The following RAB3C variants were observed in gnomAD, a reference collection of about 807,000 sequenced individuals.
RAB3C encodes ras-related protein Rab-3C.
RAB3C carries 17 observed loss-of-function variants against 26.4 expected under a neutral mutation model. The observed-to-expected ratio is 0.64, with a 90% CI of 0.44 to 0.97. RAB3C has a LOEUF of 0.97. Among genes scored for constraint, RAB3C ranks in the 50% least tolerant of loss-of-function variants. RAB3C has a pLI of 0.00. For synonymous variants in RAB3C, 91 were observed against 95.9 expected (o/e 0.95, Z 0.30); for missense variants, 242 against 281.9 (o/e 0.86, Z 1.01).
At chr5:58,804,046 C>T (rs1448825894) in intron 3 of RAB3C, among the ~76,000 whole-genome samples, 6 of 137,686 alleles carry the variant, frequency 4.4e-5, no homozygotes, top group African/African-American at 1.4e-4. Context: ...GGTGACAGTG[C>T]GAGACTCTAT....
At chr5:58,821,642 G>A (rs1015535505) in intron 3 of RAB3C, among the ~76,000 whole-genome samples, 3 of 152,162 alleles carry the variant, frequency 2.0e-5, no homozygotes, top group East Asian at 1.9e-4. Context: ...TAGAAAGGTC[G>A]TATTGTTCTG....
intron 2 of RAB3C, among the ~76,000 whole-genome samples, chr5:58,647,438 T>C (rs1336576441): frequency 6.6e-6 from 1 of 151,956 alleles, no homozygotes; most frequent in African/African-American, 2.4e-5. Context: ...CTCATTATCA[T>C]GAGAACAGCA....
At chr5:58,756,125 T>C (rs1397782724) in intron 3 of RAB3C, among the ~76,000 whole-genome samples, 1 of 151,504 alleles carries the variant, frequency 6.6e-6, no homozygotes, top group Non-Finnish European at 1.5e-5. Flanking sequence ...CACAATTGGC[T>C]TTTTGGTTTA....
chr5:58,798,637 C>G (rs1742729505), intron 3 of RAB3C, among the ~76,000 whole-genome samples: 1 of 152,200 alleles, frequency 6.6e-6, no homozygotes, highest in African/African-American at 2.4e-5. Context: ...AAATTACCTT[C>G]AGGCTATGTG....
rs150842543 is a variant in RAB3C, at chr5:58,662,871, A to G, written c.252+45001A>G. 3.0e-3 allele frequency among the ~76,000 whole-genome samples: 458 copies of G among 150,342 alleles called. 50 individuals carry two copies. The highest frequency in any genetic ancestry group is 0.011 in the African/African-American group (435 of 39,716). ...CTCTATTTCTTAATTGTGGTAGTTC[A>G]ATTATGTTTGTCAGAACTTATTGAA... is the stretch of plus-strand genomic sequence containing the variant. On this transcript the variant is annotated intron_variant, in intron 2 of 4. Transcript: ENST00000282878.
At chr5:58,679,623 G>A (rs765209314) in intron 2 of RAB3C, among the ~76,000 whole-genome samples, 3 of 152,088 alleles carry the variant, frequency 2.0e-5, no homozygotes, top group Middle Eastern at 3.2e-3. Context: ...CAGTTTTGTT[G>A]TTGTTGTTGT....
chr5:58,732,360 T>G (rs1244763466), intron 3 of RAB3C, among the ~76,000 whole-genome samples: 1 of 152,064 alleles, frequency 6.6e-6, no homozygotes, highest in Non-Finnish European at 1.5e-5. Context: ...AGAAAAAACA[T>G]ATCAATCTTA....
chr5:58,778,710 G>T (rs566118464), intron 3 of RAB3C, among the ~76,000 whole-genome samples: 31 of 152,278 alleles, frequency 2.0e-4, no homozygotes, highest in African/African-American at 7.5e-4. Flanking sequence ...TGTGAAGGTA[G>T]TGAATTAAAA....
At chr5:58,777,384 T>C (rs1011235770) in intron 3 of RAB3C, among the ~76,000 whole-genome samples, 22 of 152,196 alleles carry the variant, frequency 1.4e-4, no homozygotes, top group African/African-American at 4.8e-4. Context: ...CTAGAACGCC[T>C]AGTCCTGCCT....
chr5:58,697,112 G>A (rs955357820), intron 2 of RAB3C, among the ~76,000 whole-genome samples: 2 of 152,110 alleles, frequency 1.3e-5, no homozygotes, highest in Non-Finnish European at 2.9e-5. Context: ...CAGAGGTTCT[G>A]GTACGTTGTG....
intron 3 of RAB3C, chr5:58,794,589 A>T (rs933252194): frequency 9.9e-5 from 15 of 152,162 alleles, no homozygotes; most frequent in African/African-American, 3.4e-4. Flanking sequence ...AATATTCACC[A>T]ATCTATTCAG....
chr5:58,728,356 C>T (rs910093004), intron 3 of RAB3C, among the ~76,000 whole-genome samples: 1 of 152,016 alleles, frequency 6.6e-6, no homozygotes, highest in African/African-American at 2.4e-5. Flanking sequence ...CAAATAGAAT[C>T]TCATTGACCA....
intron 3 of RAB3C, among the ~76,000 whole-genome samples, chr5:58,810,047 C>A (rs1414941858): frequency 6.6e-6 from 1 of 152,202 alleles, no homozygotes; most frequent in Non-Finnish European, 1.5e-5. Flanking sequence ...CCTTGACCCA[C>A]AGGCTGGGGC....
At chr5:58,666,670 A>G (rs1447725507) in intron 2 of RAB3C, among the ~76,000 whole-genome samples, 1 of 152,176 alleles carries the variant, frequency 6.6e-6, no homozygotes, top group Non-Finnish European at 1.5e-5. Context: ...CTGGTCACAC[A>G]TGTGGATGAA....
intron 2 of RAB3C, among the ~76,000 whole-genome samples, chr5:58,647,898 C>G (rs1467809744): frequency 6.6e-6 from 1 of 152,144 alleles, no homozygotes; most frequent in Non-Finnish European, 1.5e-5. Context: ...GTTCTCTTTA[C>G]AACAACTGTT....
chr5:58,798,029 T>C (rs956755011), intron 3 of RAB3C, among the ~76,000 whole-genome samples: 1 of 152,176 alleles, frequency 6.6e-6, no homozygotes, highest in African/African-American at 2.4e-5. Flanking sequence ...TATTAGGTTA[T>C]TATATTAGAC....
intron 2 of RAB3C, among the ~76,000 whole-genome samples, chr5:58,680,092 A>G (rs1047880160): frequency 2.6e-5 from 4 of 152,222 alleles, no homozygotes; most frequent in African/African-American, 9.6e-5. Flanking sequence ...GTAGTAAGGG[A>G]AATGTGGCAC....
chr5:58,698,297 G>C (rs1748762865), intron 2 of RAB3C, among the ~76,000 whole-genome samples: 1 of 152,202 alleles, frequency 6.6e-6, no homozygotes, highest in Admixed American at 6.5e-5. Flanking sequence ...GAGATCAGCT[G>C]TTAGTATGAT....
At chr5:58,668,454 A>C (rs1414168065) in intron 2 of RAB3C, among the ~76,000 whole-genome samples, 1 of 152,080 alleles carries the variant, frequency 6.6e-6, no homozygotes, top group Non-Finnish European at 1.5e-5. Context: ...AATAACTGAA[A>C]ATTTCTGTGG....
Sources: allele counts gnomAD v4.1 joint callset (sites outside exome capture counted in the v4.1 genomes callset), GRCh38; gene constraint gnomAD v4.1.1; transcripts MANE v1.5; gene names NCBI Gene and HGNC (gene_info 2026-07-23, HGNC 2026-07-21).